CRTAP: variants seen among roughly 807,000 people sequenced by gnomAD.
CRTAP encodes the protein cartilage associated protein, also known as cartilage-associated protein.
Under a neutral mutation model 42.7 loss-of-function variants are expected in CRTAP, and 33 were observed. The ratio of observed to expected loss-of-function variants is 0.77; its 90% confidence interval spans 0.59 to 1.03. The LOEUF (loss-of-function observed/expected upper bound fraction) is 1.03. CRTAP is among the 50% of genes least tolerant of loss of function. CRTAP has a pLI of 0.00. For missense variants in CRTAP, 613 were observed against 533.9 expected, an observed-to-expected ratio of 1.15 and a Z score of -1.46; for synonymous variants, 243 against 217.7, an observed-to-expected ratio of 1.12 and a Z score of -1.02.
intron 3 of CRTAP, among the ~76,000 whole-genome samples, chr3:33,127,789 C>T (rs1055613403): frequency 6.7e-6 from 1 of 150,184 alleles, no homozygotes; most frequent in Non-Finnish European, 1.5e-5. Context: ...CTCTGTCGCC[C>T]AGGCTGGAGT....
At chr3:33,121,459 GT>G (rs139270718) in intron 2 of CRTAP, among the ~76,000 whole-genome samples, 2 of 151,876 alleles carry the variant, frequency 1.3e-5, no homozygotes, top group East Asian at 3.9e-4. Flanking sequence ...TCCACTAGAA[GT>G]TATAGTTCCC....
At chr3:33,116,685 T>A (rs1382293031) in intron 1 of CRTAP, among the ~76,000 whole-genome samples, 2 of 152,168 alleles carry the variant, frequency 1.3e-5, no homozygotes, top group Non-Finnish European at 2.9e-5. Context: ...CATTTTGAGA[T>A]CTCATATAGG....
In CRTAP at chr3:33,145,280, T is replaced by G. The variant is rs1321023504; in HGVS notation, c.*2832T>G. The G allele has an allele frequency of 6.6e-6, 1 of 152,374 alleles. No individual in the cohort carries two copies. The highest frequency in any genetic ancestry group is 1.5e-5 in the Non-Finnish European group (1 of 68,118). 9.4% of individuals were successfully genotyped at this position (152,374 alleles called of 1,614,324 possible). On this transcript the variant is annotated 3_prime_UTR_variant, in exon 7 of 7. Coordinates refer to ENST00000320954, the MANE Select transcript of CRTAP (RefSeq NM_006371.5). The surrounding 1 kb of genome is among the most constrained non-coding windows in gnomAD (Gnocchi z 4.3). ...CCAGGACAGTCCCCTACCACTTCTG[T>G]CTTGGGCTGAAGTTGCCCACGTCCA...
chr3:33,114,411 C>T lies in CRTAP; in HGVS notation c.334C>T (p.Leu112=), dbSNP rs764402246. 2.6e-6 allele frequency: 4 copies of T among 1,547,062 alleles called. No individual in the cohort carries two copies. Among genetic ancestry groups the T allele is most frequent in the African/African-American group, 2.8e-5 (2 of 71,722 alleles). ...SYPELRLFGG[L]LRRAHCLKRC... The stretch of plus-strand genomic sequence containing the variant: ...TCCCGAGCTGCGCCTCTTCGGGGGC[C>T]TGCTGCGCCGCGCGCACTGCCTCAA... The change falls in exon 1 of 7, where the codon CTG becomes TTG. Residue 112 remains leucine, a synonymous_variant. Coordinates refer to ENST00000320954, the MANE Select transcript of CRTAP (RefSeq NM_006371.5).
At position 33,139,349 on chromosome 3, in the gene CRTAP, C is replaced by G. The variant is rs114131906; in HGVS notation, c.1153-3046C>G. On this transcript the variant is annotated intron_variant, in intron 6 of 6. Coordinates refer to ENST00000320954, the MANE Select transcript of CRTAP (RefSeq NM_006371.5). ...AGAGAGTGAACATCCTTGTCTTGTT[C>G]CCAGTCTTAAAAGGAAAAAGCATAC... is the stretch of plus-strand genomic sequence containing the variant. 1.5e-3 allele frequency among the ~76,000 whole-genome samples: 225 copies of G among 152,120 alleles called. 1 individual carries two copies. The highest frequency in any genetic ancestry group is 5.3e-3 in the African/African-American group (221 of 41,488).
intron 1 of CRTAP, 45 bp downstream of exon 1, chr3:33,114,593 C>G: frequency 1.3e-6 from 2 of 1,534,482 alleles, no homozygotes; most frequent in Non-Finnish European, 1.8e-6. Context: ...CCGCCCCTGA[C>G]CCAGCCTCCA....
Position 33,124,481 on chromosome 3 carries a change from C to T in CRTAP, c.695C>T (p.Ala232Val). 1 of 1,614,200 alleles carries T rather than the reference C, an allele frequency of 6.2e-7. No individual in the cohort carries two copies. Among genetic ancestry groups the T allele is most frequent in the Non-Finnish European group, 8.5e-7 (1 of 1,180,024 alleles). Reference protein sequence around the residue: ...WRTSITDMELALPDFFKAFYE... With the variant: ...WRTSITDMELVLPDFFKAFYE... ...ACATCCATCACAGACATGGAGCTGG[C>T]CCTTCCCGACTTCTTCAAAGCCTTT... Residue 232 changes from alanine (A) to valine (V), a missense_variant, in exon 3 of 7, where the codon GCC becomes GTC. Ala to Val is a moderately conservative substitution (Grantham distance 64, BLOSUM62 0). Transcript: ENST00000320954.
chr3:33,118,041 A>G (rs1247303702), intron 1 of CRTAP, among the ~76,000 whole-genome samples: 1 of 150,164 alleles, frequency 6.7e-6, no homozygotes, highest in East Asian at 2.0e-4. Context: ...GCTCACTGCA[A>G]CCTCCGCCCC....
chr3:33,135,423 T>C (rs1020744141), intron 6 of CRTAP, among the ~76,000 whole-genome samples: 1 of 152,070 alleles, frequency 6.6e-6, no homozygotes, highest in Non-Finnish European at 1.5e-5. Context: ...GACCAGGAGT[T>C]CAAGACCAGC....
intron 4 of CRTAP, among the ~76,000 whole-genome samples, chr3:33,131,040 C>T (rs1011532472): frequency 6.6e-6 from 1 of 152,146 alleles, no homozygotes; most frequent in Non-Finnish European, 1.5e-5. Flanking sequence ...CTTGGCAGTT[C>T]AGTTCCAAGC....
In CRTAP at chr3:33,114,122, G is replaced by A. The variant is rs1242267650; in HGVS notation, c.45G>A (p.Leu15=). The change falls in exon 1 of 7, where the codon CTG becomes CTA. Residue 15 remains leucine (L), a synonymous_variant. Coordinates refer to ENST00000320954, the MANE Select transcript of CRTAP (RefSeq NM_006371.5). The part of the protein sequence containing the change: ...RRGAAALLAL[L]CVACALRAGR... Reference sequence around the variant, plus strand: ...GGGCCGCGGCGCTGCTAGCGCTGCTGTGCGTGGCCTGCGCGCTGCGCGCCG... The same window carrying A: ...GGGCCGCGGCGCTGCTAGCGCTGCTATGCGTGGCCTGCGCGCTGCGCGCCG... 1 of 1,553,572 alleles carries A rather than the reference G, an allele frequency of 6.4e-7. No homozygotes were observed. Among genetic ancestry groups the A allele is most frequent in the Non-Finnish European group, 8.6e-7 (1 of 1,160,126 alleles).
At chr3:33,136,910 G>A (rs1275147575) in intron 6 of CRTAP, among the ~76,000 whole-genome samples, 1 of 152,092 alleles carries the variant, frequency 6.6e-6, no homozygotes, top group Non-Finnish European at 1.5e-5. Context: ...AACCATATCA[G>A]GTACATACCT....
chr3:33,137,517 A>G (rs2030457280), intron 6 of CRTAP, among the ~76,000 whole-genome samples: 3 of 152,226 alleles, frequency 2.0e-5, no homozygotes, highest in Non-Finnish European at 2.9e-5. Flanking sequence ...AGAAATGTCT[A>G]TTCAAATCTT....
In CRTAP at chr3:33,147,229, G is replaced by C. The variant is rs2030745372; in HGVS notation, c.*4781G>C. On this transcript the variant is annotated 3_prime_UTR_variant, in exon 7 of 7. Coordinates refer to ENST00000320954, the MANE Select transcript of CRTAP (RefSeq NM_006371.5). ...TGGACTTCCTGTGCCTGCCCCCAGGGGCAAGACTGATCCCCATGCCTGTGC... is the reference window on the plus strand; with the variant it reads ...TGGACTTCCTGTGCCTGCCCCCAGGCGCAAGACTGATCCCCATGCCTGTGC... 2.6e-5 allele frequency: 4 copies of C among 152,254 alleles called. 1 individual carries two copies. In the South Asian group the frequency reaches 8.3e-4, roughly 31 times the overall value. The allele number at this position is 152,254 out of a possible 1,614,324, so 9.4% of individuals were successfully genotyped here. A position where few individuals can be genotyped will look rare whatever the true frequency, so the allele number is the denominator to read the frequency against.
chr3:33,115,025 C>A (rs1224119865), intron 1 of CRTAP, among the ~76,000 whole-genome samples: 1 of 152,156 alleles, frequency 6.6e-6, no homozygotes, highest in Non-Finnish European at 1.5e-5. Flanking sequence ...CTCACTGCAG[C>A]CTTGACCTCC....
At position 33,142,790 on chromosome 3, in the gene CRTAP, G is replaced by A. The variant is rs181578614; in HGVS notation, c.*342G>A. 7 of 262,084 alleles carry A rather than the reference G, an allele frequency of 2.7e-5. No homozygotes were observed. The South Asian group carries it at 3.1e-4, about 12-fold the overall frequency. The allele number at this position is 262,084 out of a possible 1,614,324, so 16.2% of individuals were successfully genotyped here. A position where few individuals can be genotyped will look rare whatever the true frequency, so the allele number is the denominator to read the frequency against. ...CTGCATCAGCCTCCCGAGTACCTGG[G>A]ATTACAGGCATGTGCCACCACGCCC... On this transcript the variant is annotated 3_prime_UTR_variant, in exon 7 of 7. Transcript: ENST00000320954.
intron 1 of CRTAP, among the ~76,000 whole-genome samples, chr3:33,118,566 G>A (rs933968503): frequency 1.3e-5 from 2 of 152,224 alleles, no homozygotes; most frequent in Non-Finnish European, 2.9e-5. Flanking sequence ...GGGCAATTCG[G>A]TACCGATATA....
chr3:33,129,996 T>G lies in CRTAP; in HGVS notation c.851T>G (p.Val284Gly). The G allele has an allele frequency of 1.2e-6, 2 of 1,613,322 alleles. No individual in the cohort carries two copies. The highest frequency in any genetic ancestry group is 8.5e-7 in the Non-Finnish European group (1 of 1,179,280). ...KIQCEENLTPVIGGYPVEKFV... is the reference protein window; with the variant it reads ...KIQCEENLTPGIGGYPVEKFV... ...CAGTGTGAAGAGAACCTCACCCCAG[T>G]TATAGGAGGCTATCCGGTTGAGAAA... Residue 284 changes from valine to glycine, a missense_variant, in exon 4 of 7, where the codon GTT (valine) becomes GGT (glycine). Coordinates refer to ENST00000320954, the MANE Select transcript of CRTAP (RefSeq NM_006371.5).
At chr3:33,114,836 T>G (rs1298241307) in intron 1 of CRTAP, among the ~76,000 whole-genome samples, 1 of 152,270 alleles carries the variant, frequency 6.6e-6, no homozygotes, top group Non-Finnish European at 1.5e-5. Context: ...CTCTGTTATT[T>G]GAGGGCAGAC....
Sources: allele counts gnomAD v4.1 joint callset (sites outside exome capture counted in the v4.1 genomes callset), GRCh38; gene constraint gnomAD v4.1.1; non-coding constraint Gnocchi (gnomAD v3.1); transcripts MANE v1.5; gene names NCBI Gene and HGNC (gene_info 2026-07-23, HGNC 2026-07-21).